RNF220: variants seen among roughly 807,000 people sequenced by gnomAD.
RNF220 encodes ring finger protein 220.
A neutral mutation model predicts 67.1 loss-of-function variants in RNF220; 7 were observed. The ratio of observed to expected loss-of-function variants is 0.10; its 90% confidence interval spans 0.06 to 0.20. The LOEUF is 0.20. RNF220 is among the 10% of genes least tolerant of loss of function. The probability of loss-of-function intolerance (pLI) is 1.00; values close to 1 mark genes in which losing one functional copy is unlikely to be tolerated. For synonymous variants in RNF220, 270 were observed against 283.2 expected (o/e 0.95, Z 0.47); for missense variants, 565 against 740.3 (o/e 0.76, Z 2.75).
At chr1:44,424,159 ATAT>A (rs1649509969) in intron 2 of RNF220, 1 of 270,962 alleles carries the variant, frequency 3.7e-6, no homozygotes, top group African/African-American at 2.3e-5. Context: ...TAAACTGTAT[ATAT>A]GAAAAAGAAA....
intron 2 of RNF220, among the ~76,000 whole-genome samples, chr1:44,544,206 G>T (rs193250629): frequency 6.6e-6 from 1 of 152,328 alleles, no homozygotes; most frequent in African/African-American, 2.4e-5. Flanking sequence ...AGCAGGAGCA[G>T]ACAGGAAAAT....
intron 8 of RNF220, among the ~76,000 whole-genome samples, chr1:44,637,401 G>T (rs183594316): frequency 6.6e-6 from 1 of 152,364 alleles, no homozygotes; most frequent in East Asian, 1.9e-4. Context: ...GAGCCTTCGA[G>T]TATCTGAGGC....
chr1:44,443,125 C>G (rs1303583324), intron 2 of RNF220, among the ~76,000 whole-genome samples: 1 of 152,210 alleles, frequency 6.6e-6, no homozygotes, highest in African/African-American at 2.4e-5. Context: ...TCATGTGTAT[C>G]TGGCTGCCTT....
chr1:44,483,666 A>G (rs889166768), intron 2 of RNF220, among the ~76,000 whole-genome samples: 10 of 152,166 alleles, frequency 6.6e-5, no homozygotes, highest in Admixed American at 6.5e-4. Flanking sequence ...ATGTCTGAGG[A>G]GCTATGAGAA....
At chr1:44,613,965 G>A (rs1448605410) in intron 2 of RNF220, among the ~76,000 whole-genome samples, 200 bp from the exon 3 acceptor site, 3 of 152,208 alleles carry the variant, frequency 2.0e-5, no homozygotes, top group African/African-American at 7.2e-5. Context: ...GTGGCTGGCT[G>A]AGGAGGTACC....
At chr1:44,560,407 T>C (rs1424082956) in intron 2 of RNF220, among the ~76,000 whole-genome samples, 1 of 152,148 alleles carries the variant, frequency 6.6e-6, no homozygotes, top group African/African-American at 2.4e-5. Flanking sequence ...GTTCGGCTCC[T>C]GGAGGTAGAG....
chr1:44,580,030 C>CAAAAAAAAAAAAA (rs61499825), intron 2 of RNF220, among the ~76,000 whole-genome samples: 64 of 65,230 alleles, frequency 9.8e-4, no homozygotes, highest in Non-Finnish European at 1.2e-3. Context: ...CCCTGTCTCA[C>CAAAAAAAAAAAAA]AAAAAAAAAA....
rs1644608575 is a variant in RNF220 at position 44,645,317 on chromosome 1, G to A, written c.1366+41G>A. The A allele has an allele frequency of 6.2e-7, 1 of 1,613,390 alleles. No individual in the cohort carries two copies. Among genetic ancestry groups the A allele is most frequent in the Non-Finnish European group, 8.5e-7 (1 of 1,179,402 alleles). ...GGTTAGGAGTAATGGGGGAGAGGGGGTATCCCTAGATGGTGGTGACTGACT... is the reference window on the plus strand; with the variant it reads ...GGTTAGGAGTAATGGGGGAGAGGGGATATCCCTAGATGGTGGTGACTGACT... On this transcript the variant is annotated intron_variant, in intron 11 of 14. Coordinates refer to ENST00000361799, the MANE Select transcript of RNF220 (RefSeq NM_018150.4). This position sits in a 1 kb window ranked among gnomAD's most constrained non-coding sequence, Gnocchi z 5.0.
intron 8 of RNF220, chr1:44,643,291 C>A (rs1644539047): frequency 6.6e-6 from 1 of 152,248 alleles, no homozygotes; most frequent in South Asian, 2.1e-4. Flanking sequence ...GGAGAACATT[C>A]CAGATGGAGT....
At chr1:44,566,492 G>C (rs1437763379) in intron 2 of RNF220, among the ~76,000 whole-genome samples, 1 of 144,386 alleles carries the variant, frequency 6.9e-6, no homozygotes, top group African/African-American at 2.4e-5. Flanking sequence ...CATCCTGGCT[G>C]TCAGAGTCCC....
At chr1:44,523,351 C>G (rs989388404) in intron 2 of RNF220, among the ~76,000 whole-genome samples, 16 of 152,236 alleles carry the variant, frequency 1.1e-4, no homozygotes, top group Non-Finnish European at 2.4e-4. Context: ...CTCCTCCCAC[C>G]CCAGGCCAGC....
Position 44,650,112 on chromosome 1 carries a change from C to G in RNF220, c.1629+155C>G, listed in dbSNP as rs396806. 9.1e-6 allele frequency: 7 copies of G among 769,792 alleles called. No homozygotes were observed. The highest frequency in any genetic ancestry group is 1.0e-5 in the Non-Finnish European group (5 of 487,366). The allele number at this position is 769,792 out of a possible 1,614,324, so 47.7% of individuals were successfully genotyped here. Reference sequence around the variant, plus strand: ...ATATTTACCCGCAGGATATTTACCCCCAGGCTCGCTGCCTCTCCTCCCCAA... The same window carrying G: ...ATATTTACCCGCAGGATATTTACCCGCAGGCTCGCTGCCTCTCCTCCCCAA... On this transcript the variant is annotated intron_variant, in intron 14 of 14. Transcript: ENST00000361799. The surrounding 1 kb of genome is among the most constrained non-coding windows in gnomAD (Gnocchi z 4.3).
At position 44,649,789 on chromosome 1, in the gene RNF220, G is replaced by C. The variant is rs1394252328; in HGVS notation, c.1554+20G>C. The C allele has an allele frequency of 1.2e-6, 2 of 1,613,684 alleles. No homozygotes were observed. The highest frequency in any genetic ancestry group is 1.3e-5 in the African/African-American group (1 of 74,886). ...TGCATGGTGAGTAGAAAAGAACCTAGGGGTGCCCTTGGTCAGGCTTCCACG... is the reference window on the plus strand; with the variant it reads ...TGCATGGTGAGTAGAAAAGAACCTACGGGTGCCCTTGGTCAGGCTTCCACG... On this transcript the variant is annotated intron_variant, in intron 13 of 14. Transcript: ENST00000361799. The surrounding 1 kb of genome is among the most constrained non-coding windows in gnomAD (Gnocchi z 5.9).
chr1:44,642,336 A>T (rs1644510958), intron 8 of RNF220, among the ~76,000 whole-genome samples: 2 of 152,222 alleles, frequency 1.3e-5, no homozygotes. Flanking sequence ...ACAGAGGATG[A>T]GCCCAATAAA....
Position 44,632,324 on chromosome 1 carries a change from G to GC in RNF220, c.907-16dup. ...CGCTCTCTTTTCTTTTCTTGCATCT[G>GC]CCCGCGATCTTCTCCCAGACCTTTC... On this transcript the variant is annotated intron_variant, in intron 5 of 14. Transcript: ENST00000361799. 5 of 1,614,112 alleles carry GC rather than the reference G, an allele frequency of 3.1e-6. No homozygotes were observed. Among genetic ancestry groups the GC allele is most frequent in the Non-Finnish European group, 4.2e-6 (5 of 1,179,998 alleles).
intron 2 of RNF220, among the ~76,000 whole-genome samples, chr1:44,557,369 A>G (rs1246151667): frequency 6.6e-6 from 1 of 151,282 alleles, no homozygotes; most frequent in East Asian, 1.9e-4. Context: ...AAAAGGAAAA[A>G]AGGAAGAAAA....
chr1:44,620,027 C>G (rs1029200920), intron 3 of RNF220, among the ~76,000 whole-genome samples: 1 of 152,200 alleles, frequency 6.6e-6, no homozygotes, highest in Non-Finnish European at 1.5e-5. Context: ...TTTCTGTTCA[C>G]CAGCAGAGCA....
chr1:44,608,889 A>G (rs1667468285), intron 2 of RNF220, among the ~76,000 whole-genome samples: 1 of 152,218 alleles, frequency 6.6e-6, no homozygotes. Context: ...GGGCAGATAT[A>G]GGCACAAACA....
rs563893783 is a variant in RNF220 at position 44,405,565 on chromosome 1, C to A, written c.-118+35C>A. 53 of 356,338 alleles carry A rather than the reference C, an allele frequency of 1.5e-4. 1 individual carries two copies. In the South Asian group the frequency reaches 2.1e-3, roughly 14 times the overall value. 22.1% of individuals were successfully genotyped at this position (356,338 alleles called of 1,614,324 possible). On this transcript the variant is annotated intron_variant, in intron 1 of 14. Transcript: ENST00000361799. ...TCAGAAAGGGGTGTGGACGTGTGTG[C>A]GTACCCAAGAGGGGTGGGTGCGAGG...
Sources: gnomAD v4.1 joint callset for allele counts (sites outside exome capture counted in the v4.1 genomes callset) on GRCh38, gnomAD v4.1.1 for gene constraint, Gnocchi (gnomAD v3.1) non-coding constraint, MANE v1.5 for transcripts, NCBI Gene and HGNC (gene_info 2026-07-23, HGNC 2026-07-21) for gene names.